The following NFAT5 variants were observed in gnomAD, a reference collection of about 807,000 sequenced individuals.
NFAT5 encodes the protein nuclear factor of activated T-cells 5.
In NFAT5, 31 loss-of-function variants were observed where a neutral mutation model predicts 166.5. The ratio of observed to expected loss-of-function variants is 0.19; its 90% CI spans 0.14 to 0.25. The LOEUF (loss-of-function observed/expected upper bound fraction) is 0.25, where lower values mean the gene tolerates loss of function less well. NFAT5 is among the 10% of genes least tolerant of loss of function. The probability of loss-of-function intolerance (pLI) is 1.00; values close to 1 mark genes in which losing one functional copy is unlikely to be tolerated. For missense variants in NFAT5, 1,449 were observed against 1,821.8 expected (o/e 0.80, Z 3.72); for synonymous variants, 612 against 639.7 (o/e 0.96, Z 0.65).
intron 11 of NFAT5, among the ~76,000 whole-genome samples, chr16:69,687,862 C>G (rs1199303400): frequency 6.6e-6 from 1 of 152,068 alleles, no homozygotes; most frequent in African/African-American, 2.4e-5. Context: ...TGCCTATAAT[C>G]CCAACTACTC....
chr16:69,648,188 A>C, intron 4 of NFAT5: 1 of 982,998 alleles, frequency 1.0e-6, no homozygotes, highest in African/African-American at 1.8e-5. Flanking sequence ...AAAAAAAAAA[A>C]ACACCAAAAA....
At chr16:69,597,716 T>C (rs771863121) in intron 2 of NFAT5, among the ~76,000 whole-genome samples, 19 of 151,964 alleles carry the variant, frequency 1.3e-4, no homozygotes, top group Non-Finnish European at 2.4e-4. Context: ...CTCAGCCTCC[T>C]GAGTAGCTGG....
At chr16:69,568,063 A>G (rs1181307772) in intron 1 of NFAT5, among the ~76,000 whole-genome samples, 1 of 152,296 alleles carries the variant, frequency 6.6e-6, no homozygotes, top group South Asian at 2.1e-4. Context: ...CTGTATTCCC[A>G]GTACTGTGGG....
At chr16:69,620,433 A>G (rs550739327) in intron 2 of NFAT5, among the ~76,000 whole-genome samples, 107 of 152,284 alleles carry the variant, frequency 7.0e-4, no homozygotes, top group Non-Finnish European at 4.6e-4. Context: ...AATAGAAAAA[A>G]TATATCAGAA....
chr16:69,588,648 A>G (rs1396971090), intron 2 of NFAT5, among the ~76,000 whole-genome samples: 2 of 152,230 alleles, frequency 1.3e-5, no homozygotes, highest in African/African-American at 2.4e-5. Flanking sequence ...ACTAACTAGT[A>G]AAGAAACAAA....
At chr16:69,634,714 A>G (rs1284614425) in intron 3 of NFAT5, among the ~76,000 whole-genome samples, 2 of 152,224 alleles carry the variant, frequency 1.3e-5, no homozygotes, top group Non-Finnish European at 2.9e-5. Flanking sequence ...CACACACACA[A>G]CATGTACATA....
Position 69,638,020 on chromosome 16 carries a change from G to A in NFAT5, c.254-9008G>A, listed in dbSNP as rs377552827. Among the ~76,000 whole-genome samples, 13 of 151,542 alleles carry A rather than the reference G, an allele frequency of 8.6e-5. 1 individual carries two copies. The South Asian group carries it at 2.7e-3, about 32-fold the overall frequency. ...CGGATCACAAGGTCAAGAGTTTGAG[G>A]CTAGTCTGGCCAACATGATGAAACC... On this transcript the variant is annotated intron_variant, in intron 3 of 14. Coordinates refer to ENST00000349945, the MANE Select transcript of NFAT5 (RefSeq NM_138713.4).
intron 11 of NFAT5, among the ~76,000 whole-genome samples, chr16:69,688,397 A>C (rs1339752948): frequency 6.6e-6 from 1 of 151,852 alleles, no homozygotes. Flanking sequence ...ATTATTTGAG[A>C]TGGAGTCTTG....
intron 2 of NFAT5, among the ~76,000 whole-genome samples, chr16:69,604,369 T>C (rs1341839926): frequency 6.6e-6 from 1 of 152,230 alleles, no homozygotes; most frequent in Non-Finnish European, 1.5e-5. Context: ...TTGAATTAGG[T>C]GGCATATTCC....
At chr16:69,569,692 A>G (rs1372328981) in intron 2 of NFAT5, among the ~76,000 whole-genome samples, 2 of 152,240 alleles carry the variant, frequency 1.3e-5, no homozygotes, top group Admixed American at 1.3e-4. Flanking sequence ...ATTGCCTAGC[A>G]TAGCGTCTAG....
intron 2 of NFAT5, among the ~76,000 whole-genome samples, chr16:69,602,837 C>T (rs1429628862): frequency 6.6e-6 from 1 of 151,576 alleles, no homozygotes; most frequent in Non-Finnish European, 1.5e-5. Context: ...TCTCGAACTC[C>T]TGAGCTCAAG....
intron 7 of NFAT5, among the ~76,000 whole-genome samples, chr16:69,662,728 G>A (rs2036206660): frequency 6.6e-6 from 1 of 151,944 alleles, no homozygotes. Context: ...CCAAAGTGCT[G>A]GGGTTACAGG....
chr16:69,629,290 AT>A (rs2034601470), intron 3 of NFAT5, among the ~76,000 whole-genome samples: 1 of 152,050 alleles, frequency 6.6e-6, no homozygotes, highest in African/African-American at 2.4e-5. Flanking sequence ...GTTCATGGAC[AT>A]TTTTTTGTTG....
chr16:69,652,037 A>G (rs952307512), intron 4 of NFAT5, among the ~76,000 whole-genome samples: 1 of 152,230 alleles, frequency 6.6e-6, no homozygotes, highest in African/African-American at 2.4e-5. Context: ...CAGTGCTTCA[A>G]CTATTTTACA....
intron 2 of NFAT5, among the ~76,000 whole-genome samples, chr16:69,606,569 C>T (rs770748527): frequency 9.9e-5 from 15 of 152,112 alleles, no homozygotes; most frequent in Non-Finnish European, 1.9e-4. Context: ...GAAAGGAAAA[C>T]TGTGGCTGGG....
At chr16:69,623,742 G>A (rs2034308652) in intron 2 of NFAT5, among the ~76,000 whole-genome samples, 1 of 151,564 alleles carries the variant, frequency 6.6e-6, no homozygotes, top group African/African-American at 2.4e-5. Flanking sequence ...CCCTACCTCA[G>A]GTAATCTGCC....
intron 11 of NFAT5, among the ~76,000 whole-genome samples, chr16:69,686,451 A>C (rs1037503906): frequency 2.6e-5 from 4 of 152,140 alleles, no homozygotes; most frequent in African/African-American, 4.8e-5. Context: ...TGATCTGAAG[A>C]GGTCGAAGGT....
intron 3 of NFAT5, among the ~76,000 whole-genome samples, chr16:69,640,204 A>T (rs913147514): frequency 1.3e-5 from 2 of 152,152 alleles, no homozygotes; most frequent in Non-Finnish European, 2.9e-5. Flanking sequence ...GTCAATAGTG[A>T]AGACAAATAG....
chr16:69,650,333 G>A (rs1266678137), intron 4 of NFAT5, among the ~76,000 whole-genome samples: 2 of 151,724 alleles, frequency 1.3e-5, no homozygotes, highest in African/African-American at 4.8e-5. Flanking sequence ...ACTTGACTAC[G>A]TTTCTAAGCA....
Sources: gnomAD v4.1 joint callset for allele counts (sites outside exome capture counted in the v4.1 genomes callset) on GRCh38, gnomAD v4.1.1 for gene constraint, MANE v1.5 for transcripts, NCBI Gene and HGNC (gene_info 2026-07-23, HGNC 2026-07-21) for gene names.